The following SNTB1 variants were observed in gnomAD, a reference collection of about 807,000 sequenced individuals.
SNTB1 encodes syntrophin beta 1, also known as beta-1-syntrophin.
A neutral mutation model predicts 48.9 loss-of-function variants in SNTB1; 36 were observed. That is an observed-to-expected ratio of 0.74 (90% confidence interval 0.56 to 0.97). The LOEUF (loss-of-function observed/expected upper bound fraction) is 0.97, where lower values mean the gene tolerates loss of function less well. SNTB1 is among the 50% of genes least tolerant of loss of function. The pLI, the probability that SNTB1 is intolerant of heterozygous loss-of-function variation, is 0.00. For missense variants in SNTB1, 786 were observed against 703.4 expected (o/e 1.12, Z -1.33); for synonymous variants, 299 against 294.6 (o/e 1.01, Z -0.15).
chr8:120,621,965 G>T (rs1312478054), intron 3 of SNTB1, among the ~76,000 whole-genome samples: 2 of 152,144 alleles, frequency 1.3e-5, no homozygotes, highest in Non-Finnish European at 2.9e-5. Context: ...TGCCAACAGG[G>T]AATCATTTTC....
chr8:120,552,112 G>A (rs1241300825), intron 4 of SNTB1, among the ~76,000 whole-genome samples: 1 of 152,148 alleles, frequency 6.6e-6, no homozygotes, highest in Non-Finnish European at 1.5e-5. Flanking sequence ...CCACTCTCAT[G>A]GAGAATCTTA....
At chr8:120,668,124 G>C (rs1341875893) in intron 2 of SNTB1, among the ~76,000 whole-genome samples, 1 of 151,806 alleles carries the variant, frequency 6.6e-6, no homozygotes. Context: ...TATCTGCCTT[G>C]TGAACAGTGG....
chr8:120,802,031 C>G (rs1820236211), intron 1 of SNTB1, among the ~76,000 whole-genome samples: 1 of 152,070 alleles, frequency 6.6e-6, no homozygotes, highest in South Asian at 2.1e-4. Flanking sequence ...TCTTATTAGA[C>G]TCCCCATTGA....
chr8:120,710,169 A>G (rs1247538550), intron 1 of SNTB1, among the ~76,000 whole-genome samples: 3 of 152,220 alleles, frequency 2.0e-5, no homozygotes, highest in Non-Finnish European at 2.9e-5. Flanking sequence ...AACTGAACAG[A>G]TGACTTAAAC....
chr8:120,592,968 C>T (rs374716654), intron 3 of SNTB1, among the ~76,000 whole-genome samples: 3 of 152,142 alleles, frequency 2.0e-5, no homozygotes, highest in Non-Finnish European at 2.9e-5. Context: ...CCCCACACCC[C>T]GTTCCCATGG....
intron 1 of SNTB1, among the ~76,000 whole-genome samples, chr8:120,781,469 C>G (rs1187373830): frequency 6.6e-6 from 1 of 152,110 alleles, no homozygotes; most frequent in Non-Finnish European, 1.5e-5. Context: ...TACATATTCA[C>G]TTACTTTGGC....
At chr8:120,734,241 G>C (rs12542730) in intron 1 of SNTB1, among the ~76,000 whole-genome samples, 20,138 of 151,926 alleles carry the variant, frequency 0.13, 1,766 homozygotes, top group African/African-American at 0.24. Flanking sequence ...GTCAGGAGGT[G>C]GAGACCAGCC....
At chr8:120,783,165 A>T (rs1197795168) in intron 1 of SNTB1, among the ~76,000 whole-genome samples, 3 of 152,040 alleles carry the variant, frequency 2.0e-5, no homozygotes, top group Non-Finnish European at 2.9e-5. Flanking sequence ...CATGGAAGTA[A>T]ATTATATAAA....
At chr8:120,605,743 G>A (rs1489655704) in intron 3 of SNTB1, among the ~76,000 whole-genome samples, 1 of 152,178 alleles carries the variant, frequency 6.6e-6, no homozygotes, top group East Asian at 1.9e-4. Context: ...ATTAGTGTGA[G>A]GTTGCGCTCT....
intron 3 of SNTB1, among the ~76,000 whole-genome samples, chr8:120,612,167 T>G (rs1055200820): frequency 1.3e-5 from 2 of 152,250 alleles, no homozygotes; most frequent in Non-Finnish European, 2.9e-5. Flanking sequence ...CTTTGCGTAG[T>G]GGTCCTTATA....
chr8:120,706,543 A>G (rs1231851662), intron 1 of SNTB1, among the ~76,000 whole-genome samples: 1 of 152,188 alleles, frequency 6.6e-6, no homozygotes, highest in Non-Finnish European at 1.5e-5. Flanking sequence ...CAAAAATAAT[A>G]ATAATTTCTC....
rs1350241255 is a variant in SNTB1, at chr8:120,537,229, G to A, written c.*1648C>T. 6.6e-6 allele frequency: 1 copy of A among 151,746 alleles called. No homozygotes were observed. Among genetic ancestry groups the A allele is most frequent in the African/African-American group, 2.4e-5 (1 of 41,336 alleles). 9.4% of individuals were successfully genotyped at this position (151,746 alleles called of 1,614,324 possible). ...AAAGAGTCCTGTAGGTAAGTGTGAGGAATGGTTCACCGGATTTCGCCTTGA... is the reference window on the plus strand; with the variant it reads ...AAAGAGTCCTGTAGGTAAGTGTGAGAAATGGTTCACCGGATTTCGCCTTGA... On this transcript the variant is annotated 3_prime_UTR_variant, in exon 7 of 7. Transcript: ENST00000517992.
At chr8:120,712,976 T>C in intron 1 of SNTB1, among the ~76,000 whole-genome samples, 1 of 152,160 alleles carries the variant, frequency 6.6e-6, no homozygotes, top group East Asian at 1.9e-4. Flanking sequence ...TACCCCGTCA[T>C]GTGGTTTCAG....
intron 3 of SNTB1, among the ~76,000 whole-genome samples, chr8:120,614,650 A>G (rs910575635): frequency 5.9e-5 from 9 of 152,212 alleles, no homozygotes; most frequent in Non-Finnish European, 1.0e-4. Flanking sequence ...AGGGCTGGAC[A>G]TCAGTTTCCC....
At chr8:120,762,079 C>T (rs73323186) in intron 1 of SNTB1, among the ~76,000 whole-genome samples, 15,044 of 152,156 alleles carry the variant, frequency 0.099, 2,446 homozygotes, top group African/African-American at 0.34. Context: ...GGGGCAATAC[C>T]CACGTTTAGA....
chr8:120,703,372 G>C (rs866640024), intron 1 of SNTB1, among the ~76,000 whole-genome samples: 1 of 152,146 alleles, frequency 6.6e-6, no homozygotes, highest in Non-Finnish European at 1.5e-5. Context: ...TGATCCATCC[G>C]CCTTGGCCTC....
chr8:120,622,477 A>G (rs1007922364), intron 3 of SNTB1, among the ~76,000 whole-genome samples: 1 of 152,166 alleles, frequency 6.6e-6, no homozygotes, highest in African/African-American at 2.4e-5. Flanking sequence ...GCCCAGTACT[A>G]TTAGAAGTAA....
chr8:120,738,577 C>CTTCCTTCCTTCCT (rs2129997858), intron 1 of SNTB1, among the ~76,000 whole-genome samples: 1 of 150,258 alleles, frequency 6.7e-6, no homozygotes, highest in African/African-American at 2.5e-5. Context: ...TCCTTCCTTC[C>CTTCCTTCCTTCCT]TTCCTTCCTT....
chr8:120,598,401 T>C (rs1285147042), intron 3 of SNTB1, among the ~76,000 whole-genome samples: 1 of 152,236 alleles, frequency 6.6e-6, no homozygotes, highest in Non-Finnish European at 1.5e-5. Context: ...CCTTTAGCAT[T>C]CACAGACTTT....
Sources: gnomAD v4.1 joint callset for allele counts (sites outside exome capture counted in the v4.1 genomes callset) on GRCh38, gnomAD v4.1.1 for gene constraint, MANE v1.5 for transcripts, NCBI Gene and HGNC (gene_info 2026-07-23, HGNC 2026-07-21) for gene names.